The following AKR1B1 variants were observed in gnomAD, a reference collection of about 807,000 sequenced individuals.
AKR1B1 encodes aldo-keto reductase family 1 member B.
In AKR1B1, 22 loss-of-function variants were observed where a neutral mutation model predicts 40.4. The observed-to-expected ratio is 0.54, with a 90% CI of 0.39 to 0.78. The LOEUF is 0.78. Ranked by LOEUF, AKR1B1 falls within the 30% of genes least tolerant of loss-of-function variation. AKR1B1 has a pLI of 0.00. For synonymous variants in AKR1B1, 157 were observed against 149.9 expected (o/e 1.05, Z -0.35); for missense variants, 357 against 396.7 (o/e 0.90, Z 0.85).
At chr7:134,449,486 C>G in intron 4 of AKR1B1, 1 of 584,372 alleles carries the variant, frequency 1.7e-6, no homozygotes, top group South Asian at 2.0e-5. Flanking sequence ...ACTCAGGAGG[C>G]TGAGGCAGGA....
chr7:134,444,507 A>T (rs548334734), intron 9 of AKR1B1, among the ~76,000 whole-genome samples: 1 of 152,380 alleles, frequency 6.6e-6, no homozygotes, highest in South Asian at 2.1e-4. Flanking sequence ...AAGAGGAAGT[A>T]CTAAAGGAGA....
At chr7:134,447,721 A>G in intron 7 of AKR1B1, 1 of 619,774 alleles carries the variant, frequency 1.6e-6, no homozygotes, top group Non-Finnish European at 2.9e-6. Flanking sequence ...TGTACAGATG[A>G]GGTTCCACAT....
At position 134,449,726 on chromosome 7, in the gene AKR1B1, C is replaced by A. The variant is rs5060; in HGVS notation, c.423G>T (p.Thr141=). 6.2e-7 allele frequency: 1 copy of A among 1,613,788 alleles called. No individual in the cohort carries two copies. Among genetic ancestry groups the A allele is most frequent in the African/African-American group, 1.3e-5 (1 of 74,900 alleles). Residue 141 remains threonine (T), a synonymous_variant, in exon 4 of 10, where the codon ACG becomes ACT. Coordinates refer to ENST00000285930, the MANE Select transcript of AKR1B1 (RefSeq NM_001628.4). ...CAACCAGGGGCTGTCTTACCGCCCA[C>A]GTGTCCAGAATGTTGGTGTCACTGG... is the stretch of plus-strand genomic sequence containing the variant. The part of the protein sequence containing the change: ...VVPSDTNILD[T]WAAMEELVDE...
chr7:134,448,295 CA>C (rs71172459), intron 6 of AKR1B1, 91 bp downstream of exon 6: 303,763 of 1,264,838 alleles, frequency 0.24, 38,324 homozygotes, highest in Middle Eastern at 0.41. Flanking sequence ...AGATCACCCC[CA>C]GAAACATCTT....
At position 134,448,411 on chromosome 7, in the gene AKR1B1, G is replaced by A; in HGVS notation, c.635C>T (p.Pro212Leu). Residue 212 changes from proline to leucine, a missense_variant, in exon 6 of 10, where the codon CCC becomes CTC. Physicochemically the swap from Pro to Leu is moderately conservative, Grantham distance 98 (BLOSUM62 -3). Transcript: ENST00000285930. ...CCAGGGCCTGTCAGGAGAGCCGAGGGGGCTGTAGGCGGTCACCACGATGCC... is the reference window on the plus strand; with the variant it reads ...CCAGGGCCTGTCAGGAGAGCCGAGGAGGCTGTAGGCGGTCACCACGATGCC... ...SKGIVVTAYS[P>L]LGSPDRPWAK... The A allele has an allele frequency of 4.3e-6, 7 of 1,613,792 alleles. No individual in the cohort carries two copies. Among genetic ancestry groups the A allele is most frequent in the Non-Finnish European group, 5.9e-6 (7 of 1,179,806 alleles).
At position 134,459,082 on chromosome 7, in the gene AKR1B1, C is replaced by G. The variant is rs774343330; in HGVS notation, c.-20G>C. The G allele has an allele frequency of 6.3e-7, 1 of 1,596,078 alleles. No homozygotes were observed. The highest frequency in any genetic ancestry group is 1.7e-5 in the Admixed American group (1 of 57,854). On this transcript the variant is annotated 5_prime_UTR_variant, in exon 1 of 10. Transcript: ENST00000285930. The stretch of plus-strand genomic sequence containing the variant: ...TGCCATGGCTGCTGCGCTCCCCAGA[C>G]CCCCGCCCAGTACGGTGCGGCCTTG...
At chr7:134,456,415 G>A (rs1489494722) in intron 1 of AKR1B1, among the ~76,000 whole-genome samples, 3 of 151,812 alleles carry the variant, frequency 2.0e-5, no homozygotes, top group Admixed American at 6.6e-5. Flanking sequence ...TAGCCAGGAC[G>A]GTCTCTATCT....
intron 9 of AKR1B1, 69 bp downstream of exon 9, chr7:134,445,169 G>T: frequency 7.3e-7 from 1 of 1,364,658 alleles, no homozygotes; most frequent in Non-Finnish European, 1.0e-6. Context: ...GGCCTGCAGG[G>T]ATCACTCTCT....
Position 134,448,379 on chromosome 7 carries a change from A to G in AKR1B1, c.659+8T>C. The G allele has an allele frequency of 6.2e-7, 1 of 1,607,106 alleles. No individual in the cohort carries two copies. The highest frequency in any genetic ancestry group is 8.5e-7 in the Non-Finnish European group (1 of 1,173,926). On this transcript the variant is annotated splice_region_variant and intron_variant, in intron 6 of 9. Transcript: ENST00000285930. ...TGACACAGGAGCATGAGCCTGTGGG[A>G]AGCTCACCAGGGCCTGTCAGGAGAG...
chr7:134,444,248 G>A (rs970273065), intron 9 of AKR1B1, among the ~76,000 whole-genome samples: 3 of 152,240 alleles, frequency 2.0e-5, no homozygotes, highest in African/African-American at 7.2e-5. Flanking sequence ...GGGGCTGCCT[G>A]TGACATGCTC....
At chr7:134,453,389 G>A (rs1367592230) in intron 1 of AKR1B1, among the ~76,000 whole-genome samples, 2 of 152,124 alleles carry the variant, frequency 1.3e-5, no homozygotes, top group Admixed American at 6.5e-5. Context: ...TGGGGTCACT[G>A]AGCTGGGAGA....
intron 7 of AKR1B1, 66 bp from the exon 8 acceptor site, chr7:134,447,447 C>T: frequency 7.4e-7 from 1 of 1,350,558 alleles, no homozygotes; most frequent in Non-Finnish European, 1.1e-6. Context: ...ATCTCAGTCT[C>T]TCACACACAC....
At chr7:134,456,625 T>A (rs952726719) in intron 1 of AKR1B1, among the ~76,000 whole-genome samples, 1 of 152,092 alleles carries the variant, frequency 6.6e-6, no homozygotes, top group African/African-American at 2.4e-5. Flanking sequence ...CCTGATCTCC[T>A]CATCCACAGG....
In AKR1B1 at chr7:134,459,050, G is replaced by C. The variant is rs772045888; in HGVS notation, c.13C>G (p.Leu5Val). The change falls in exon 1 of 10, where the codon CTC (leucine) becomes GTC (valine). Residue 5 changes from leucine to valine, a missense_variant. Leu to Val is a conservative substitution (Grantham distance 32). Transcript: ENST00000285930. MASR[L>V]LLNNGAKMPI... ...ATCTTGGCGCCGTTGTTGAGCAGGA[G>C]ACGGCTTGCCATGGCTGCTGCGCTC... is the stretch of plus-strand genomic sequence containing the variant. 8 of 1,606,438 alleles carry C rather than the reference G, an allele frequency of 5.0e-6. No homozygotes were observed. The highest frequency in any genetic ancestry group is 6.8e-6 in the Non-Finnish European group (8 of 1,177,176).
intron 1 of AKR1B1, 22 bp downstream of exon 1, chr7:134,458,975 C>G: frequency 6.3e-7 from 1 of 1,599,428 alleles, no homozygotes; most frequent in Non-Finnish European, 8.5e-7. Flanking sequence ...AGCCCCGGGC[C>G]CGCGCCCCCA....
intron 8 of AKR1B1, among the ~76,000 whole-genome samples, chr7:134,446,665 C>T (rs561648174): frequency 1.3e-5 from 2 of 152,206 alleles, no homozygotes; most frequent in African/African-American, 4.8e-5. Flanking sequence ...TGAGCTGCTC[C>T]AGCTGCCACA....
intron 1 of AKR1B1, among the ~76,000 whole-genome samples, chr7:134,458,095 C>T (rs1175389617): frequency 1.3e-5 from 2 of 152,190 alleles, no homozygotes; most frequent in Admixed American, 1.3e-4. Context: ...CTAGGTTTTG[C>T]CTCAGCTCCC....
At chr7:134,454,797 G>A (rs766617151) in intron 1 of AKR1B1, among the ~76,000 whole-genome samples, 8 of 152,194 alleles carry the variant, frequency 5.3e-5, no homozygotes, top group Non-Finnish European at 7.3e-5. Flanking sequence ...CCTGGAGCAA[G>A]GAACAGGAAA....
At chr7:134,447,200 T>G (rs1585709356) in intron 8 of AKR1B1, 98 bp downstream of exon 8, 11 of 1,093,982 alleles carry the variant, frequency 1.0e-5, no homozygotes, top group African/African-American at 1.5e-5. Flanking sequence ...GAGAGGATGG[T>G]GGTGATCCCA....
Sources: allele counts gnomAD v4.1 joint callset (sites outside exome capture counted in the v4.1 genomes callset), GRCh38; gene constraint gnomAD v4.1.1; transcripts MANE v1.5; gene names NCBI Gene and HGNC (gene_info 2026-07-23, HGNC 2026-07-21).